Variants in DLG2 observed in about 807,000 individuals in gnomAD.
DLG2 encodes disks large homolog 2.
In DLG2, 45 loss-of-function variants were observed where a neutral mutation model predicts 132.5. The ratio of observed to expected loss-of-function variants is 0.34; its 90% CI spans 0.27 to 0.44. The LOEUF (loss-of-function observed/expected upper bound fraction) is 0.44. DLG2 is among the 20% of genes least tolerant of loss of function. The probability of loss-of-function intolerance (pLI) is 1.00; values close to 1 mark genes in which losing one functional copy is unlikely to be tolerated. For missense variants in DLG2, 1,045 were observed against 1,196.9 expected, an observed-to-expected ratio of 0.87 and a Z score of 1.87; for synonymous variants, 424 against 419.6, an observed-to-expected ratio of 1.01 and a Z score of -0.13.
At position 83,661,625 on chromosome 11, in the gene DLG2, C is replaced by A. The variant is rs1484807250; in HGVS notation, c.1826-28300G>T. ...GCCACTTATGACTCTAATAGTAGAG[C>A]CAGATTTGTATGACTCCAAAGCTCA... On this transcript the variant is annotated intron_variant, in intron 18 of 27. Transcript: ENST00000376104. 3.3e-5 allele frequency among the ~76,000 whole-genome samples: 5 copies of A among 151,930 alleles called. 1 individual carries two copies. Among genetic ancestry groups the A allele is most frequent in the Non-Finnish European group, 2.9e-5 (2 of 67,974 alleles).
At chr11:84,173,280 C>G (rs2095864718) in intron 8 of DLG2, among the ~76,000 whole-genome samples, 1 of 152,198 alleles carries the variant, frequency 6.6e-6, no homozygotes, top group South Asian at 2.1e-4. Context: ...CACTTGGCTC[C>G]AGCCTGATGC....
chr11:85,429,912 T>A (rs1418580100), intron 3 of DLG2, among the ~76,000 whole-genome samples: 2 of 152,188 alleles, frequency 1.3e-5, no homozygotes, highest in African/African-American at 4.8e-5. Context: ...TACACACATA[T>A]GTTTATTGTG....
At chr11:83,682,528 G>T in intron 18 of DLG2, 1 of 833,438 alleles carries the variant, frequency 1.2e-6, no homozygotes, top group Non-Finnish European at 1.4e-6. Context: ...TCCTCTGCTC[G>T]TGTTCCCCTA....
chr11:83,544,742 T>C (rs982385949), intron 19 of DLG2, among the ~76,000 whole-genome samples: 1 of 152,104 alleles, frequency 6.6e-6, no homozygotes, highest in Non-Finnish European at 1.5e-5. Flanking sequence ...GTATCCCCAC[T>C]TTATAGATGA....
chr11:84,093,047 AAAAG>A lies in DLG2; in HGVS notation c.749+5872_749+5875del, dbSNP rs1051086523. ...TGAGTCTCCGTCAAAAAAAAAAAAA[AAAAG>A]AAAGAAAGAAAGAAAGAAAATTACC... On this transcript the variant is annotated intron_variant, in intron 10 of 27. Transcript: ENST00000376104. Among the ~76,000 whole-genome samples, 125 of 151,640 alleles carry A rather than the reference AAAAG, an allele frequency of 8.2e-4. 1 individual carries two copies. The highest frequency in any genetic ancestry group is 9.3e-4 in the Non-Finnish European group (63 of 67,882).
At chr11:84,675,113 T>G (rs1039015219) in intron 6 of DLG2, among the ~76,000 whole-genome samples, 1 of 152,092 alleles carries the variant, frequency 6.6e-6, no homozygotes, top group Non-Finnish European at 1.5e-5. Flanking sequence ...GCAAGCCAGG[T>G]AGGGAATCTG....
At chr11:84,234,055 T>C (rs1205526038) in intron 8 of DLG2, among the ~76,000 whole-genome samples, 2 of 152,128 alleles carry the variant, frequency 1.3e-5, no homozygotes, top group Non-Finnish European at 2.9e-5. Context: ...TCTAGGGACA[T>C]TGGGCTGGTA....
chr11:84,083,608 G>C (rs187414017), intron 10 of DLG2, among the ~76,000 whole-genome samples: 2 of 152,128 alleles, frequency 1.3e-5, no homozygotes, highest in African/African-American at 4.8e-5. Flanking sequence ...TAGAGAGAAG[G>C]TGGTTATAAA....
chr11:83,918,840 C>A (rs1590999088), intron 15 of DLG2, among the ~76,000 whole-genome samples: 1 of 150,832 alleles, frequency 6.6e-6, no homozygotes, highest in Non-Finnish European at 1.5e-5. Flanking sequence ...AAATCTTGGT[C>A]AAAAAAAAAA....
At chr11:85,505,491 T>C (rs2093908646) in intron 3 of DLG2, among the ~76,000 whole-genome samples, 1 of 152,156 alleles carries the variant, frequency 6.6e-6, no homozygotes, top group African/African-American at 2.4e-5. Flanking sequence ...GTGGTTTTTG[T>C]CTTTGTTCTG....
Position 83,503,416 on chromosome 11 carries a change from T to TAG in DLG2, c.2194-19189_2194-19188insCT, listed in dbSNP as rs1287156340. On this transcript the variant is annotated intron_variant, in intron 21 of 27. Transcript: ENST00000376104. ...ATATATATATATATATATATATATA[T>TAG]ATATATAGATAGATCTAATAGGATA... Among the ~76,000 whole-genome samples the TAG allele has an allele frequency of 3.5e-3, 252 of 71,310 alleles. 2 individuals carry two copies. Among genetic ancestry groups the TAG allele is most frequent in the Admixed American group, 7.3e-3 (40 of 5,506 alleles). The allele number at this position is 71,310 out of a possible 152,430, so 46.8% of individuals were successfully genotyped here.
At chr11:85,208,971 G>A (rs544980219) in intron 4 of DLG2, among the ~76,000 whole-genome samples, 12 of 152,066 alleles carry the variant, frequency 7.9e-5, no homozygotes, top group African/African-American at 1.2e-4. Context: ...CTACCCTCCC[G>A]CAATATGTAA....
At chr11:83,552,271 G>A (rs2096409664) in intron 19 of DLG2, among the ~76,000 whole-genome samples, 1 of 152,116 alleles carries the variant, frequency 6.6e-6, no homozygotes, top group Non-Finnish European at 1.5e-5. Flanking sequence ...TTTTCAAATG[G>A]GGTGTTTTTT....
intron 7 of DLG2, among the ~76,000 whole-genome samples, chr11:84,380,824 T>C (rs2098746698): frequency 6.6e-6 from 1 of 151,920 alleles, no homozygotes; most frequent in African/African-American, 2.4e-5. Context: ...GAAAGATCTC[T>C]CAAGAAAAAG....
intron 7 of DLG2, among the ~76,000 whole-genome samples, chr11:84,257,693 T>C (rs1398010847): frequency 6.7e-6 from 1 of 148,510 alleles, no homozygotes; most frequent in African/African-American, 2.5e-5. Context: ...TTTTTTTTTT[T>C]TTTTTTTTTT....
At chr11:84,917,848 T>C (rs1302998566) in intron 6 of DLG2, among the ~76,000 whole-genome samples, 2 of 152,116 alleles carry the variant, frequency 1.3e-5, no homozygotes, top group African/African-American at 2.4e-5. Flanking sequence ...TTGGAGACCA[T>C]ACTAAAGGAG....
At chr11:84,446,466 C>T (rs990116198) in intron 7 of DLG2, among the ~76,000 whole-genome samples, 10 of 151,964 alleles carry the variant, frequency 6.6e-5, no homozygotes, top group South Asian at 2.1e-4. Context: ...GGAGTCCCTG[C>T]GACCTTCAGT....
intron 8 of DLG2, among the ~76,000 whole-genome samples, chr11:84,237,451 C>T (rs2097172702): frequency 6.6e-6 from 1 of 152,174 alleles, no homozygotes; most frequent in Non-Finnish European, 1.5e-5. Context: ...TATTTCATTA[C>T]TACTTTTCCT....
chr11:84,865,194 T>C (rs1017420057), intron 6 of DLG2, among the ~76,000 whole-genome samples: 2 of 152,182 alleles, frequency 1.3e-5, no homozygotes, highest in African/African-American at 4.8e-5. Context: ...CTCCTGACTC[T>C]TGCTGTATCC....
Sources: allele counts gnomAD v4.1 joint callset (sites outside exome capture counted in the v4.1 genomes callset), GRCh38; gene constraint gnomAD v4.1.1; transcripts MANE v1.5; gene names NCBI Gene and HGNC (gene_info 2026-07-23, HGNC 2026-07-21).